ARHGAP1: variants seen among roughly 807,000 people sequenced by gnomAD.
ARHGAP1 encodes Rho GTPase activating protein 1, also known as rho GTPase-activating protein 1.
ARHGAP1 carries 23 observed loss-of-function variants against 52.2 expected under a neutral mutation model. The ratio of observed to expected loss-of-function variants is 0.44; its 90% CI spans 0.32 to 0.62. The LOEUF is 0.62. Ranked by LOEUF, ARHGAP1 falls within the 20% of genes least tolerant of loss-of-function variation. The pLI, the probability that ARHGAP1 is intolerant of heterozygous loss-of-function variation, is 0.05. For missense variants in ARHGAP1, 480 were observed against 560.9 expected, an observed-to-expected ratio of 0.86 and a Z score of 1.46; for synonymous variants, 210 against 228.4, an observed-to-expected ratio of 0.92 and a Z score of 0.73.
Position 46,682,055 on chromosome 11 carries a change from G to C in ARHGAP1, c.445C>G (p.Arg149Gly), listed in dbSNP as rs138044269. 1 of 1,613,992 alleles carries C rather than the reference G, an allele frequency of 6.2e-7. No homozygotes were observed. Among genetic ancestry groups the C allele is most frequent in the South Asian group, 1.1e-5 (1 of 91,074 alleles). ...AGGCCCCATGCCCCAACCCACTTGC[G>C]GTCAAACTCCCGGTAGGCATCACGG... The part of the protein sequence containing the change: ...WLRDAYREFD[R>G]KYKKNIKALY... The change falls in exon 5 of 13, where the codon CGC (arginine) becomes GGC (glycine). Residue 149 changes from arginine to glycine, a missense_variant. Coordinates refer to ENST00000311956, the MANE Select transcript of ARHGAP1 (RefSeq NM_004308.5).
chr11:46,681,161 C>T lies in ARHGAP1; in HGVS notation c.537-52G>A. On this transcript the variant is annotated intron_variant, in intron 6 of 12. Coordinates refer to ENST00000311956, the MANE Select transcript of ARHGAP1 (RefSeq NM_004308.5). The surrounding 1 kb of genome is among the most constrained non-coding windows in gnomAD (Gnocchi z 5.7). ...TGTGGGGGCCCGCTTCCGGTGGCCT[C>T]CACTCTCCCCTCAACACCCACCCAG... 2 of 1,566,666 alleles carry T rather than the reference C, an allele frequency of 1.3e-6. No individual in the cohort carries two copies. The highest frequency in any genetic ancestry group is 8.8e-7 in the Non-Finnish European group (1 of 1,137,062).
In ARHGAP1 at chr11:46,681,368, T is replaced by G; in HGVS notation, c.461A>C (p.Asn154Thr). 6.2e-7 allele frequency: 1 copy of G among 1,611,028 alleles called. No homozygotes were observed. The highest frequency in any genetic ancestry group is 1.1e-5 in the South Asian group (1 of 91,022). Reference sequence around the variant, plus strand: ...ATGCACGATGTACAAGGCCTTGATGTTTTTCTTGTACCTGCAGAGACAGAA... The same window carrying G: ...ATGCACGATGTACAAGGCCTTGATGGTTTTCTTGTACCTGCAGAGACAGAA... Reference protein sequence around the residue: ...YREFDRKYKKNIKALYIVHPT... With the variant: ...YREFDRKYKKTIKALYIVHPT... The change falls in exon 6 of 13, where the codon AAC becomes ACC. Residue 154 changes from asparagine (N) to threonine (T), a missense_variant. Coordinates refer to ENST00000311956, the MANE Select transcript of ARHGAP1 (RefSeq NM_004308.5). The surrounding 1 kb of genome is among the most constrained non-coding windows in gnomAD (Gnocchi z 5.7).
Position 46,688,384 on chromosome 11 carries a change from C to CA in ARHGAP1, c.230-125dup, listed in dbSNP as rs1362114637. On this transcript the variant is annotated intron_variant, in intron 3 of 12. Coordinates refer to ENST00000311956, the MANE Select transcript of ARHGAP1 (RefSeq NM_004308.5). ...TACCACAGGGGCCAGAGTGCCCATG[C>CA]AGACAGACCTCCGGGCAGCCTCCTG... 3 of 943,516 alleles carry CA rather than the reference C, an allele frequency of 3.2e-6. No homozygotes were observed. The East Asian group carries it at 8.0e-5, about 25-fold the overall frequency. The allele number at this position is 943,516 out of a possible 1,614,324, so 58.4% of individuals were successfully genotyped here.
Position 46,680,114 on chromosome 11 carries a change from T to G in ARHGAP1, c.898+91A>C. 4 of 1,428,724 alleles carry G rather than the reference T, an allele frequency of 2.8e-6. No individual in the cohort carries two copies. Among genetic ancestry groups the G allele is most frequent in the South Asian group, 2.3e-5 (2 of 87,048 alleles). 88.5% of individuals were successfully genotyped at this position (1,428,724 alleles called of 1,614,324 possible). A position where few individuals can be genotyped will look rare whatever the true frequency, so the allele number is the denominator to read the frequency against. ...ACGGAAACCTCCAGCAGGAAGAGAC[T>G]CTGAGACTCTCATTTACAGGGCAGC... On this transcript the variant is annotated intron_variant, in intron 10 of 12. Transcript: ENST00000311956. This position sits in a 1 kb window ranked among gnomAD's most constrained non-coding sequence, Gnocchi z 5.9.
At chr11:46,689,834 C>T (rs1255920574) in intron 3 of ARHGAP1, among the ~76,000 whole-genome samples, 4 of 152,110 alleles carry the variant, frequency 2.6e-5, no homozygotes, top group African/African-American at 7.2e-5. Context: ...CCACCACGCC[C>T]GGCTCTTACC....
At chr11:46,688,028 TA>T in intron 4 of ARHGAP1, 144 bp downstream of exon 4, 2 of 747,408 alleles carry the variant, frequency 2.7e-6, no homozygotes, top group Non-Finnish European at 4.3e-6. Context: ...CCCCTAAATA[TA>T]AACCAGCTCC....
At position 46,678,866 on chromosome 11, in the gene ARHGAP1, G is replaced by A. The variant is rs1174366135; in HGVS notation, c.*171C>T. ...GTAAGGCAGAGAAAAACGTCTTCTGGTAACAGCGAGGCCGCCAGGGCCGTG... is the reference window on the plus strand; with the variant it reads ...GTAAGGCAGAGAAAAACGTCTTCTGATAACAGCGAGGCCGCCAGGGCCGTG... On this transcript the variant is annotated 3_prime_UTR_variant, in exon 13 of 13. Coordinates refer to ENST00000311956, the MANE Select transcript of ARHGAP1 (RefSeq NM_004308.5). The A allele has an allele frequency of 1.8e-5, 13 of 720,432 alleles. No homozygotes were observed. Among genetic ancestry groups the A allele is most frequent in the Non-Finnish European group, 2.9e-5 (13 of 444,964 alleles). 44.6% of individuals were successfully genotyped at this position (720,432 alleles called of 1,614,324 possible). A position where few individuals can be genotyped will look rare whatever the true frequency, so the allele number is the denominator to read the frequency against.
intron 4 of ARHGAP1, chr11:46,687,432 A>T (rs567214617): frequency 1.6e-4 from 25 of 152,410 alleles, no homozygotes; most frequent in African/African-American, 5.8e-4. Context: ...GGTCTCAAAG[A>T]GCTGCTTGGG....
chr11:46,679,266 G>A lies in ARHGAP1; in HGVS notation c.1132-41C>T. 1.3e-6 allele frequency: 2 copies of A among 1,591,772 alleles called. No homozygotes were observed. The highest frequency in any genetic ancestry group is 2.7e-5 in the African/African-American group (2 of 74,584). ...GGGACTGCAGCAGGAAGCCACAGAT[G>A]CTGCCTCCCACTCCCAGCAACAATG... On this transcript the variant is annotated intron_variant, in intron 12 of 12. Coordinates refer to ENST00000311956, the MANE Select transcript of ARHGAP1 (RefSeq NM_004308.5). The surrounding 1 kb of genome is among the most constrained non-coding windows in gnomAD (Gnocchi z 4.4).
rs1006739008 is a variant in ARHGAP1 at position 46,677,467 on chromosome 11, G to C, written c.*1570C>G. The stretch of plus-strand genomic sequence containing the variant: ...CTTGCGGATGGGGCTGGGCTGGTCA[G>C]TGAGGATCCCCACAGTACGGGCTCT... On this transcript the variant is annotated 3_prime_UTR_variant, in exon 13 of 13. Coordinates refer to ENST00000311956, the MANE Select transcript of ARHGAP1 (RefSeq NM_004308.5). The C allele has an allele frequency of 1.9e-5, 3 of 157,316 alleles. No homozygotes were observed. Among genetic ancestry groups the C allele is most frequent in the African/African-American group, 7.2e-5 (3 of 41,476 alleles). 9.7% of individuals were successfully genotyped at this position (157,316 alleles called of 1,614,324 possible).
Position 46,681,450 on chromosome 11 carries a change from T to A in ARHGAP1, c.450-71A>T. 8.4e-7 allele frequency: 1 copy of A among 1,190,276 alleles called. No homozygotes were observed. Among genetic ancestry groups the A allele is most frequent in the South Asian group, 1.3e-5 (1 of 77,848 alleles). 73.7% of individuals were successfully genotyped at this position (1,190,276 alleles called of 1,614,324 possible). A position where few individuals can be genotyped will look rare whatever the true frequency, so the allele number is the denominator to read the frequency against. On this transcript the variant is annotated intron_variant, in intron 5 of 12. Transcript: ENST00000311956. This position sits in a 1 kb window ranked among gnomAD's most constrained non-coding sequence, Gnocchi z 5.7. Reference sequence around the variant, plus strand: ...GGTGCCACGCTAGGGTCCCAGTGCATACTTTTTTTTTTTGAGACAGAGTCT... The same window carrying A: ...GGTGCCACGCTAGGGTCCCAGTGCAAACTTTTTTTTTTTGAGACAGAGTCT...
chr11:46,679,771 G>C lies in ARHGAP1; in HGVS notation c.904C>G (p.Pro302Ala). 6.2e-7 allele frequency: 1 copy of C among 1,613,498 alleles called. No homozygotes were observed. Among genetic ancestry groups the C allele is most frequent in the Non-Finnish European group, 8.5e-7 (1 of 1,179,896 alleles). The change falls in exon 11 of 13, where the codon CCT becomes GCT. Residue 302 changes from proline (P) to alanine (A), a missense_variant. Coordinates refer to ENST00000311956, the MANE Select transcript of ARHGAP1 (RefSeq NM_004308.5). This position sits in a 1 kb window ranked among gnomAD's most constrained non-coding sequence, Gnocchi z 4.4. ...TCATTGTACTGGTCGAAATCCACAG[G>C]CAGCCCTGGGGTGGGGGCAGCGTGA... Reference protein sequence around the residue: ...EVQQKYNMGLPVDFDQYNELH... With the variant: ...EVQQKYNMGLAVDFDQYNELH...
intron 1 of ARHGAP1, among the ~76,000 whole-genome samples, chr11:46,699,394 C>T (rs2064681174): frequency 6.6e-6 from 1 of 152,128 alleles, no homozygotes; most frequent in African/African-American, 2.4e-5. Context: ...TTCTACTAAG[C>T]TCATTTTACA....
At chr11:46,683,037 CTT>C (rs66603634) in intron 4 of ARHGAP1, among the ~76,000 whole-genome samples, 3 of 108,782 alleles carry the variant, frequency 2.8e-5, no homozygotes, top group Admixed American at 1.1e-4. Context: ...CCAAAGCCTG[CTT>C]TTTTTTTTTT....
chr11:46,683,593 G>A (rs535263595), intron 4 of ARHGAP1, among the ~76,000 whole-genome samples: 1 of 151,824 alleles, frequency 6.6e-6, no homozygotes, highest in East Asian at 1.9e-4. Context: ...GTTATGGATG[G>A]AATGAACAAG....
intron 3 of ARHGAP1, among the ~76,000 whole-genome samples, chr11:46,690,385 T>C (rs936373502): frequency 6.6e-5 from 10 of 151,024 alleles, no homozygotes; most frequent in African/African-American, 2.4e-4. Context: ...AGACTCCGTC[T>C]CAAAAAAAAA....
rs1444476627 is a variant in ARHGAP1 at position 46,680,685 on chromosome 11, G to C, written c.698C>G (p.Pro233Arg). The stretch of plus-strand genomic sequence containing the variant: ...CTGCTGGTTGGGCAGGGGGGGCCGT[G>C]GGGGCATGGGCTTGGGGGCTGTCGC... The part of the protein sequence containing the change: ...SPATAPKPMP[P>R]RPPLPNQQFG... The change falls in exon 8 of 13, where the codon CCA becomes CGA. Residue 233 changes from proline (P) to arginine (R), a missense_variant. By Grantham distance (103) the Pro-to-Arg change is moderately radical. Transcript: ENST00000311956. The surrounding 1 kb of genome is among the most constrained non-coding windows in gnomAD (Gnocchi z 5.9). 1.9e-6 allele frequency: 3 copies of C among 1,603,394 alleles called. No homozygotes were observed. In the African/African-American group the frequency reaches 4.0e-5, roughly 21 times the overall value.
At chr11:46,685,763 C>T (rs2064564192) in intron 4 of ARHGAP1, among the ~76,000 whole-genome samples, 1 of 149,878 alleles carries the variant, frequency 6.7e-6, no homozygotes, top group Non-Finnish European at 1.5e-5. Flanking sequence ...ACTGCAACCT[C>T]TACCTCCCGG....
chr11:46,677,930 G>A lies in ARHGAP1; in HGVS notation c.*1107C>T, dbSNP rs1396862089. The A allele has an allele frequency of 1.6e-5, 7 of 433,098 alleles. No homozygotes were observed. Among genetic ancestry groups the A allele is most frequent in the South Asian group, 3.2e-5 (2 of 61,546 alleles). The allele number at this position is 433,098 out of a possible 1,614,324, so 26.8% of individuals were successfully genotyped here. A position where few individuals can be genotyped will look rare whatever the true frequency, so the allele number is the denominator to read the frequency against. On this transcript the variant is annotated 3_prime_UTR_variant, in exon 13 of 13. Coordinates refer to ENST00000311956, the MANE Select transcript of ARHGAP1 (RefSeq NM_004308.5). The stretch of plus-strand genomic sequence containing the variant: ...CTGCACTCCAGCCTGGTGACAGAGC[G>A]AGACTCCATCTCAGAAAAAAAAAAA...
Sources: gnomAD v4.1 joint callset for allele counts (sites outside exome capture counted in the v4.1 genomes callset) on GRCh38, gnomAD v4.1.1 for gene constraint, Gnocchi (gnomAD v3.1) non-coding constraint, MANE v1.5 for transcripts, NCBI Gene and HGNC (gene_info 2026-07-23, HGNC 2026-07-21) for gene names.